Variants in CNTNAP2 observed in about 807,000 individuals in gnomAD.
The protein encoded by CNTNAP2 is contactin-associated protein-like 2.
In CNTNAP2, 98 loss-of-function variants were observed where a neutral mutation model predicts 155.2. That is an observed-to-expected ratio of 0.63 (90% CI 0.54 to 0.75). The LOEUF is 0.75. Ranked by LOEUF, CNTNAP2 falls within the 30% of genes least tolerant of loss-of-function variation. The pLI is 0.00. For missense variants in CNTNAP2, 1,727 were observed against 1,688.1 expected, an observed-to-expected ratio of 1.02 and a Z score of -0.40; for synonymous variants, 651 against 631.2, an observed-to-expected ratio of 1.03 and a Z score of -0.47.
chr7:146,426,202 A>G (rs1163202059), intron 1 of CNTNAP2, among the ~76,000 whole-genome samples: 2 of 149,742 alleles, frequency 1.3e-5, no homozygotes, highest in African/African-American at 4.9e-5. Context: ...AAAAAAAAAA[A>G]AAAAAAAATT....
intron 15 of CNTNAP2, among the ~76,000 whole-genome samples, chr7:148,106,034 A>G (rs1804210075): frequency 6.6e-6 from 1 of 152,196 alleles, no homozygotes; most frequent in African/African-American, 2.4e-5. Context: ...AGGAATGGAG[A>G]GGAGGAGACA....
chr7:147,022,976 G>C (rs766474929), intron 3 of CNTNAP2, among the ~76,000 whole-genome samples: 3 of 151,996 alleles, frequency 2.0e-5, no homozygotes, highest in Non-Finnish European at 2.9e-5. Flanking sequence ...CTATGGAACC[G>C]AGAATCATTA....
Position 147,616,968 on chromosome 7 carries a change from G to A in CNTNAP2, c.1898-22138G>A, listed in dbSNP as rs11766025. Among the ~76,000 whole-genome samples, 919 of 152,066 alleles carry A rather than the reference G, an allele frequency of 6.0e-3. 7 individuals carry two copies. Among genetic ancestry groups the A allele is most frequent in the Non-Finnish European group, 0.01 (701 of 67,992 alleles). ...ATCTCCACAAGTTTTCTACACCCAC[G>A]CCTACGATCGTGTGCTAGACCTTTC... is the stretch of plus-strand genomic sequence containing the variant. On this transcript the variant is annotated intron_variant, in intron 12 of 23. Coordinates refer to ENST00000361727, the MANE Select transcript of CNTNAP2 (RefSeq NM_014141.6).
chr7:147,110,649 G>C (rs954903884), intron 5 of CNTNAP2, among the ~76,000 whole-genome samples: 5 of 152,078 alleles, frequency 3.3e-5, no homozygotes, highest in African/African-American at 1.2e-4. Flanking sequence ...TCCTGCATTA[G>C]TTTGCTGAGG....
intron 20 of CNTNAP2, among the ~76,000 whole-genome samples, chr7:148,257,343 G>A (rs942723870): frequency 8.5e-5 from 13 of 152,304 alleles, no homozygotes; most frequent in African/African-American, 2.9e-4. Flanking sequence ...GGCATGCATC[G>A]CTAACCCAGT....
intron 1 of CNTNAP2, among the ~76,000 whole-genome samples, chr7:146,659,239 G>T (rs1563176293): frequency 6.6e-6 from 1 of 152,148 alleles, no homozygotes; most frequent in Non-Finnish European, 1.5e-5. Context: ...TAGCACAAAT[G>T]GGATTAAGTG....
intron 3 of CNTNAP2, among the ~76,000 whole-genome samples, chr7:146,906,041 C>T (rs975362999): frequency 2.5e-4 from 38 of 152,284 alleles, no homozygotes; most frequent in African/African-American, 7.2e-4. Context: ...AAAGGGGTGA[C>T]GGACGCACCT....
intron 15 of CNTNAP2, among the ~76,000 whole-genome samples, chr7:148,075,748 C>A (rs1232124784): frequency 6.6e-6 from 1 of 152,144 alleles, no homozygotes; most frequent in African/African-American, 2.4e-5. Flanking sequence ...GTTTTTAAAT[C>A]CCCCCAAATA....
chr7:147,664,586 A>ATTCGGAGATG (rs1487476448), intron 13 of CNTNAP2, among the ~76,000 whole-genome samples: 1 of 152,186 alleles, frequency 6.6e-6, no homozygotes, highest in African/African-American at 2.4e-5. Flanking sequence ...AAAACGAAGC[A>ATTCGGAGATG]TTCGGAGATG....
At chr7:148,356,399 G>A (rs2116607964) in intron 21 of CNTNAP2, among the ~76,000 whole-genome samples, 1 of 152,288 alleles carries the variant, frequency 6.6e-6, no homozygotes. Context: ...GTCTTCTTCA[G>A]TCCATGAACT....
chr7:146,139,797 C>T (rs1797852138), intron 1 of CNTNAP2, among the ~76,000 whole-genome samples: 1 of 152,100 alleles, frequency 6.6e-6, no homozygotes, highest in South Asian at 2.1e-4. Context: ...GGTCCATAAA[C>T]ATCAGTTTTC....
chr7:146,735,911 G>A (rs1445554461), intron 1 of CNTNAP2, among the ~76,000 whole-genome samples: 6 of 152,030 alleles, frequency 3.9e-5, no homozygotes, highest in African/African-American at 7.2e-5. Flanking sequence ...GATTTCGAAC[G>A]TTCCCAACAT....
intron 13 of CNTNAP2, among the ~76,000 whole-genome samples, chr7:147,714,441 GTTTT>G (rs66889568): frequency 0.5 from 75,181 of 150,764 alleles, 20,970 homozygotes; most frequent in East Asian, 0.67. Context: ...TTGTGTGTTT[GTTTT>G]TGTTTCAGTT....
At chr7:146,591,062 C>T (rs1798775381) in intron 1 of CNTNAP2, among the ~76,000 whole-genome samples, 1 of 151,968 alleles carries the variant, frequency 6.6e-6, no homozygotes. Context: ...ACAGGTGTGG[C>T]TGAGATAGTG....
At chr7:146,719,422 C>A (rs1201554123) in intron 1 of CNTNAP2, among the ~76,000 whole-genome samples, 2 of 152,090 alleles carry the variant, frequency 1.3e-5, no homozygotes, top group South Asian at 2.1e-4. Context: ...CAATGTTTTG[C>A]CTAATTTTTT....
At chr7:147,787,003 G>A (rs1488397537) in intron 13 of CNTNAP2, among the ~76,000 whole-genome samples, 1 of 149,684 alleles carries the variant, frequency 6.7e-6, no homozygotes, top group African/African-American at 2.5e-5. Context: ...GAGGAAGGGA[G>A]GGAAAAAGAG....
intron 1 of CNTNAP2, among the ~76,000 whole-genome samples, chr7:146,517,116 A>G (rs1797552843): frequency 6.6e-6 from 1 of 151,976 alleles, no homozygotes; most frequent in African/African-American, 2.4e-5. Flanking sequence ...TGTCCCATAC[A>G]GACCATAAAT....
chr7:147,828,859 C>T (rs1188645116), intron 13 of CNTNAP2, among the ~76,000 whole-genome samples: 1 of 152,120 alleles, frequency 6.6e-6, no homozygotes, highest in African/African-American at 2.4e-5. Flanking sequence ...ATCTTTGGAA[C>T]ATTTATCACC....
intron 1 of CNTNAP2, among the ~76,000 whole-genome samples, chr7:146,277,595 CT>C (rs1327120525): frequency 6.6e-6 from 1 of 152,136 alleles, no homozygotes; most frequent in Non-Finnish European, 1.5e-5. Context: ...TTGGAAGAAG[CT>C]TTTATTTCCT....
Sources: gnomAD v4.1 joint callset for allele counts (sites outside exome capture counted in the v4.1 genomes callset) on GRCh38, gnomAD v4.1.1 for gene constraint, MANE v1.5 for transcripts, NCBI Gene and HGNC (gene_info 2026-07-23, HGNC 2026-07-21) for gene names.